The following PRR5 variants were observed in gnomAD, a reference collection of about 807,000 sequenced individuals.
PRR5 encodes proline-rich protein 5.
A neutral mutation model predicts 30.6 loss-of-function variants in PRR5; 25 were observed. The observed-to-expected ratio is 0.82, with a 90% CI of 0.60 to 1.14. PRR5 has a LOEUF of 1.14. Among genes scored for constraint, PRR5 ranks in the 50% most tolerant of loss-of-function variants. The probability of loss-of-function intolerance (pLI) is 0.00; values close to 1 mark genes in which losing one functional copy is unlikely to be tolerated. For missense variants in PRR5, 600 were observed against 547.1 expected, an observed-to-expected ratio of 1.10 and a Z score of -0.96; for synonymous variants, 286 against 247.1, an observed-to-expected ratio of 1.16 and a Z score of -1.48.
chr22:44,700,976 A>T (rs1926216934), upstream of PRR5, among the ~76,000 whole-genome samples: 1 of 152,144 alleles, frequency 6.6e-6, no homozygotes, highest in African/African-American at 2.4e-5. Context: ...TCTGCCTCCC[A>T]GGTTCAAGCG....
At chr22:44,682,374 A>G (rs544331511) in intron 1 of PRR5, among the ~76,000 whole-genome samples, 23 of 152,316 alleles carry the variant, frequency 1.5e-4, no homozygotes, top group African/African-American at 5.5e-4. Flanking sequence ...GAGGAGGCCC[A>G]TCCAGGCCCC....
At chr22:44,723,743 A>G (rs776439756) in intron 2 of PRR5, among the ~76,000 whole-genome samples, 11 of 152,160 alleles carry the variant, frequency 7.2e-5, no homozygotes, top group Non-Finnish European at 1.6e-4. Flanking sequence ...AAAAAATAAA[A>G]CAGTGGGAAC....
intron 7 of PRR5, 44 bp downstream of exon 7, chr22:44,735,206 G>C (rs181440282): frequency 1.9e-6 from 3 of 1,578,026 alleles, no homozygotes; most frequent in Non-Finnish European, 2.6e-6. Flanking sequence ...GGGTGACCAC[G>C]GGCCCCATCC....
In PRR5 at chr22:44,702,220, G is replaced by A. The variant is rs1926418769; in HGVS notation, c.-255G>A. ...TCCGCCCCCGGCCTCCGTTTGCGCC[G>A]GGTCTGTGCTGGCCGCGCGCCTGGC... is the stretch of plus-strand genomic sequence containing the variant. On this transcript the variant is annotated 5_prime_UTR_variant, in exon 1 of 8. Transcript: ENST00000336985. The A allele has an allele frequency of 1.8e-6, 2 of 1,086,562 alleles. No homozygotes were observed. The highest frequency in any genetic ancestry group is 1.1e-4 in the Admixed American group (2 of 18,446). The allele number at this position is 1,086,562 out of a possible 1,614,324, so 67.3% of individuals were successfully genotyped here.
chr22:44,707,608 C>T (rs947451214), intron 1 of PRR5, among the ~76,000 whole-genome samples: 4 of 152,362 alleles, frequency 2.6e-5, no homozygotes, highest in Non-Finnish European at 4.4e-5. Context: ...GCCCCAGACC[C>T]AGAGCAGGCC....
upstream of PRR5, among the ~76,000 whole-genome samples, chr22:44,701,486 T>C (rs1259972031): frequency 6.6e-6 from 1 of 152,236 alleles, no homozygotes; most frequent in Non-Finnish European, 1.5e-5. Flanking sequence ...ATCAGACATC[T>C]AAAAGTGCTC....
At chr22:44,674,027 G>A (rs1198244600), upstream of PRR5, among the ~76,000 whole-genome samples, 1 of 152,202 alleles carries the variant, frequency 6.6e-6, no homozygotes, top group Non-Finnish European at 1.5e-5. Flanking sequence ...GATTCTGCCT[G>A]CAGCCTTTCT....
At chr22:44,724,353 T>G (rs1602064651) in intron 2 of PRR5, among the ~76,000 whole-genome samples, 1 of 152,264 alleles carries the variant, frequency 6.6e-6, no homozygotes, top group Middle Eastern at 3.4e-3. Context: ...GGAGAATCGC[T>G]TGAACCCGGG....
chr22:44,725,385 G>A lies in PRR5; in HGVS notation c.264+93G>A, dbSNP rs1042972795. On this transcript the variant is annotated intron_variant, in intron 3 of 7. Transcript: ENST00000336985. ...CCTGCCCCCGGGGGTGTGGAGCGCC[G>A]GCTCCCCCACTGTCTGCCTGCAGTT... The A allele has an allele frequency of 3.2e-5, 50 of 1,554,678 alleles. No homozygotes were observed. In the Admixed American group the frequency reaches 3.3e-4, roughly 10 times the overall value.
At chr22:44,678,384 G>A (rs9614871) in intron 1 of PRR5, among the ~76,000 whole-genome samples, 12,335 of 148,408 alleles carry the variant, frequency 0.083, 668 homozygotes, top group East Asian at 0.26. Flanking sequence ...GTGCGATGGC[G>A]CAATCTCGGC....
chr22:44,718,893 C>A (rs1203400207), intron 2 of PRR5, among the ~76,000 whole-genome samples: 1 of 152,096 alleles, frequency 6.6e-6, no homozygotes, highest in African/African-American at 2.4e-5. Context: ...TATTGTGGAT[C>A]TAGAGTCTGT....
chr22:44,698,522 C>G (rs913871771), upstream of PRR5, among the ~76,000 whole-genome samples: 8 of 152,178 alleles, frequency 5.3e-5, no homozygotes, highest in African/African-American at 1.9e-4. Context: ...TGAGCCCTGC[C>G]CAGGGTACCC....
At chr22:44,720,049 T>C (rs1370363583) in intron 2 of PRR5, among the ~76,000 whole-genome samples, 1 of 152,176 alleles carries the variant, frequency 6.6e-6, no homozygotes. Context: ...CTCCTGTGAT[T>C]TGAGGACATC....
intron 1 of PRR5, among the ~76,000 whole-genome samples, chr22:44,695,541 C>G (rs1226806698): frequency 6.6e-6 from 1 of 152,062 alleles, no homozygotes; most frequent in Non-Finnish European, 1.5e-5. Flanking sequence ...TATAAGAAGC[C>G]TCTCTTCATG....
intron 1 of PRR5, among the ~76,000 whole-genome samples, chr22:44,686,618 C>G (rs188946858): frequency 6.6e-6 from 1 of 151,832 alleles, no homozygotes; most frequent in Non-Finnish European, 1.5e-5. Flanking sequence ...CAGCTTCAAG[C>G]GATTCTCCTG....
Position 44,732,348 on chromosome 22 carries a change from C to G in PRR5, c.512C>G (p.Ala171Gly). The change falls in exon 6 of 8, where the codon GCC (alanine) becomes GGC (glycine). Residue 171 changes from alanine to glycine, a missense_variant. Coordinates refer to ENST00000336985, the MANE Select transcript of PRR5 (RefSeq NM_181333.4). The part of the protein sequence containing the change: ...KLEDALARAH[A>G]RVPPAIVQML... Reference sequence around the variant, plus strand: ...GAGGATGCGCTGGCCCGGGCCCATGCCCGTGTGCCCCCTGCCATCGTGCAG... The same window carrying G: ...GAGGATGCGCTGGCCCGGGCCCATGGCCGTGTGCCCCCTGCCATCGTGCAG... The G allele has an allele frequency of 6.2e-7, 1 of 1,611,608 alleles. No individual in the cohort carries two copies. The highest frequency in any genetic ancestry group is 8.5e-7 in the Non-Finnish European group (1 of 1,179,796).
intron 2 of PRR5, among the ~76,000 whole-genome samples, chr22:44,723,060 G>A (rs943834665): frequency 1.5e-4 from 22 of 150,482 alleles, no homozygotes; most frequent in Admixed American, 4.7e-4. Context: ...ATCTCAGCCC[G>A]CTGCAACCTC....
intron 3 of PRR5, 66 bp downstream of exon 3, chr22:44,725,358 C>G: frequency 1.2e-6 from 2 of 1,602,188 alleles, no homozygotes; most frequent in South Asian, 2.2e-5. Context: ...CACAGGGGCT[C>G]ACCTGCCCCC....
At chr22:44,686,325 TTTG>T (rs1012360833) in intron 1 of PRR5, among the ~76,000 whole-genome samples, 68 of 151,904 alleles carry the variant, frequency 4.5e-4, no homozygotes, top group African/African-American at 1.4e-3. Flanking sequence ...TTCTTGTGTT[TTTG>T]TTGTTGTTGT....
Sources: allele counts gnomAD v4.1 joint callset (sites outside exome capture counted in the v4.1 genomes callset), GRCh38; gene constraint gnomAD v4.1.1; transcripts MANE v1.5; gene names NCBI Gene and HGNC (gene_info 2026-07-23, HGNC 2026-07-21).